ATP11B: variants seen among roughly 807,000 people sequenced by gnomAD.
ATP11B encodes ATPase phospholipid transporting 11B (putative), also known as phospholipid-transporting ATPase IF.
Under a neutral mutation model 157.8 loss-of-function variants are expected in ATP11B, and 81 were observed. That is an observed-to-expected ratio of 0.51 (90% CI 0.43 to 0.62). ATP11B has a LOEUF of 0.62. Ranked by LOEUF, ATP11B falls within the 20% of genes least tolerant of loss-of-function variation. The pLI, the probability that ATP11B is intolerant of heterozygous loss-of-function variation, is 0.00. For synonymous variants in ATP11B, 451 were observed against 469.4 expected, an observed-to-expected ratio of 0.96 and a Z score of 0.51; for missense variants, 1,165 against 1,402.2, an observed-to-expected ratio of 0.83 and a Z score of 2.70.
rs369498913 is a variant in ATP11B, at chr3:182,893,438, A to C, written c.2983-3262A>C. On this transcript the variant is annotated intron_variant, in intron 25 of 29. Transcript: ENST00000323116. The stretch of plus-strand genomic sequence containing the variant: ...TTCCACTTATGAGTGAGAACATAAG[A>C]TGTTTGGTTTTCTATTCCTGAGTTA... Among the ~76,000 whole-genome samples, 111 of 152,130 alleles carry C rather than the reference A, an allele frequency of 7.3e-4. 1 individual carries two copies. The South Asian group carries it at 0.022, about 30-fold the overall frequency.
Position 182,865,653 on chromosome 3 carries a change from A to C in ATP11B, c.1398A>C (p.Thr466=), listed in dbSNP as rs1721176851. The C allele has an allele frequency of 6.2e-7, 1 of 1,613,456 alleles. No individual in the cohort carries two copies. Among genetic ancestry groups the C allele is most frequent in the East Asian group, 2.2e-5 (1 of 44,820 alleles). Residue 466 remains threonine (T), a synonymous_variant, in exon 13 of 30, where the codon ACA becomes ACC. Transcript: ENST00000323116. ...LSHLNNLSHL[T]TSSSFRTSPE... ...ATCTTAACAACTTATCCCATCTTAC[A>C]ACCAGTTCCTCTTTCAGAACCAGTC... is the stretch of plus-strand genomic sequence containing the variant.
intron 10 of ATP11B, among the ~76,000 whole-genome samples, chr3:182,855,937 A>G (rs747493821): frequency 2.2e-4 from 34 of 152,178 alleles, no homozygotes; most frequent in Non-Finnish European, 5.0e-4. Flanking sequence ...GTTGGTGGGA[A>G]TTAAAAATAG....
intron 29 of ATP11B, chr3:182,916,713 T>C (rs1303477606): frequency 2.3e-5 from 23 of 983,712 alleles, no homozygotes; most frequent in Non-Finnish European, 2.8e-5. Flanking sequence ...ACATGTGTGC[T>C]TTGAAAAAAA....
chr3:182,850,249 G>A (rs1256577165), intron 10 of ATP11B, among the ~76,000 whole-genome samples: 1 of 152,182 alleles, frequency 6.6e-6, no homozygotes, highest in Non-Finnish European at 1.5e-5. Context: ...AAGGCAGGAG[G>A]ATCACTTGAG....
chr3:182,835,332 C>T (rs1196311897), intron 4 of ATP11B, among the ~76,000 whole-genome samples: 1 of 152,114 alleles, frequency 6.6e-6, no homozygotes, highest in Non-Finnish European at 1.5e-5. Context: ...AAAATCTGCT[C>T]ATTTTTTTCT....
chr3:182,917,170 A>G (rs1725195478), intron 29 of ATP11B: 2 of 985,252 alleles, frequency 2.0e-6, no homozygotes, highest in Non-Finnish European at 2.4e-6. Flanking sequence ...TCTTCCTGTA[A>G]CATCTCTGTT....
At chr3:182,805,682 A>G (rs1716286544) in intron 1 of ATP11B, among the ~76,000 whole-genome samples, 1 of 150,682 alleles carries the variant, frequency 6.6e-6, no homozygotes, top group South Asian at 2.1e-4. Flanking sequence ...ACTGGTCTCG[A>G]ACTCCTAACC....
intron 19 of ATP11B, 75 bp downstream of exon 19, chr3:182,874,090 C>A: frequency 7.7e-7 from 1 of 1,291,946 alleles, no homozygotes; most frequent in Non-Finnish European, 1.1e-6. Flanking sequence ...ATGATATAGC[C>A]CACTGTCACT....
At chr3:182,855,964 G>C (rs546069040) in intron 10 of ATP11B, among the ~76,000 whole-genome samples, 2 of 152,264 alleles carry the variant, frequency 1.3e-5, no homozygotes, top group Admixed American at 6.5e-5. Flanking sequence ...CACTCTGGAA[G>C]ATAGTTTGGG....
rs576374803 is a variant in ATP11B, at chr3:182,918,529, C to T, written c.*425C>T. ...TCTGTAAATTATGCTGAAAGTTTGC[C>T]TTGAGAACTCTATTTTTTTATTAGA... On this transcript the variant is annotated 3_prime_UTR_variant, in exon 30 of 30. Coordinates refer to ENST00000323116, the MANE Select transcript of ATP11B (RefSeq NM_014616.3). 6.8e-5 allele frequency: 27 copies of T among 395,186 alleles called. No individual in the cohort carries two copies. Among genetic ancestry groups the T allele is most frequent in the African/African-American group, 1.2e-4 (6 of 48,448 alleles). The allele number at this position is 395,186 out of a possible 1,614,324, so 24.5% of individuals were successfully genotyped here.
At chr3:182,807,424 C>G (rs192035016) in intron 1 of ATP11B, among the ~76,000 whole-genome samples, 30 of 152,306 alleles carry the variant, frequency 2.0e-4, no homozygotes, top group Admixed American at 1.9e-3. Context: ...TTAGGCCTGG[C>G]TTATATCTTA....
chr3:182,915,587 T>C (rs1725083739), intron 29 of ATP11B: 7 of 973,098 alleles, frequency 7.2e-6, no homozygotes, highest in Non-Finnish European at 8.5e-6. Context: ...GAAATTTCTC[T>C]TTAATGACAA....
chr3:182,894,377 G>T (rs1170880498), intron 25 of ATP11B, among the ~76,000 whole-genome samples: 1 of 152,140 alleles, frequency 6.6e-6, no homozygotes, highest in Non-Finnish European at 1.5e-5. Context: ...GTAGAGACAG[G>T]GTTTCTCTAT....
intron 15 of ATP11B, 86 bp downstream of exon 15, chr3:182,867,530 C>G: frequency 1.4e-6 from 1 of 690,878 alleles, no homozygotes; most frequent in Non-Finnish European, 2.4e-6. Context: ...GCTCACAGGG[C>G]AAATGTGGCC....
intron 29 of ATP11B, chr3:182,915,664 G>A: frequency 1.0e-6 from 1 of 970,434 alleles, no homozygotes; most frequent in Non-Finnish European, 1.2e-6. Flanking sequence ...GATTTTTTCT[G>A]CTATATACAT....
chr3:182,809,640 C>A (rs935586391), intron 1 of ATP11B, among the ~76,000 whole-genome samples: 5 of 152,162 alleles, frequency 3.3e-5, no homozygotes, highest in Admixed American at 3.3e-4. Flanking sequence ...GTCCAGCCCT[C>A]TTTTCTAAGC....
chr3:182,903,126 A>G (rs1724084069), intron 28 of ATP11B, among the ~76,000 whole-genome samples: 1 of 152,170 alleles, frequency 6.6e-6, no homozygotes, highest in Admixed American at 6.5e-5. Context: ...CAGTTTGTAC[A>G]AAAAATAATA....
At chr3:182,845,000 T>TA (rs1465630610) in intron 8 of ATP11B, among the ~76,000 whole-genome samples, 11 of 114,186 alleles carry the variant, frequency 9.6e-5, no homozygotes, top group Middle Eastern at 8.1e-3. Context: ...TTTTATTTTT[T>TA]TTTTTATTTT....
intron 19 of ATP11B, among the ~76,000 whole-genome samples, chr3:182,876,304 TAAC>T (rs1054687433): frequency 1.3e-5 from 2 of 152,252 alleles, no homozygotes; most frequent in Non-Finnish European, 2.9e-5. Context: ...CAGTGGTTAA[TAAC>T]AAAGTCATCA....
Sources: allele counts gnomAD v4.1 joint callset (sites outside exome capture counted in the v4.1 genomes callset), GRCh38; gene constraint gnomAD v4.1.1; transcripts MANE v1.5; gene names NCBI Gene and HGNC (gene_info 2026-07-23, HGNC 2026-07-21).